Variants in ADCY2 observed in about 807,000 individuals in gnomAD.
ADCY2 encodes adenylate cyclase type 2.
In ADCY2, 31 loss-of-function variants were observed where a neutral mutation model predicts 125.2. The ratio of observed to expected loss-of-function variants is 0.25; its 90% confidence interval spans 0.19 to 0.33. ADCY2 has a LOEUF of 0.33. Ranked by LOEUF, ADCY2 falls within the 10% of genes least tolerant of loss-of-function variation. The probability of loss-of-function intolerance (pLI) is 1.00; values close to 1 mark genes in which losing one functional copy is unlikely to be tolerated. For synonymous variants in ADCY2, 512 were observed against 548.4 expected, an observed-to-expected ratio of 0.93 and a Z score of 0.93; for missense variants, 904 against 1,418.2, an observed-to-expected ratio of 0.64 and a Z score of 5.82.
At chr5:7,542,067 G>A (rs1735014978) in intron 3 of ADCY2, among the ~76,000 whole-genome samples, 1 of 152,160 alleles carries the variant, frequency 6.6e-6, no homozygotes, top group Non-Finnish European at 1.5e-5. Context: ...AGGACATGTC[G>A]CCCCTTCTAC....
At chr5:7,573,201 A>G (rs1375223839) in intron 3 of ADCY2, among the ~76,000 whole-genome samples, 3 of 152,214 alleles carry the variant, frequency 2.0e-5, no homozygotes, top group Non-Finnish European at 4.4e-5. Context: ...AGTCTGTGGT[A>G]CTTCGTTATG....
In ADCY2 at chr5:7,729,597, C is replaced by T. The variant is rs943295219; in HGVS notation, c.1871+2336C>T. On this transcript the variant is annotated intron_variant, in intron 14 of 24. Transcript: ENST00000338316. ...TTCTAATGGATTGATCAAGTTCTTTCATTTTTTTTTATGGTAAATTAAAAG... is the reference window on the plus strand; with the variant it reads ...TTCTAATGGATTGATCAAGTTCTTTTATTTTTTTTTATGGTAAATTAAAAG... Among the ~76,000 whole-genome samples, 4 of 149,936 alleles carry T rather than the reference C, an allele frequency of 2.7e-5. No homozygotes were observed. The East Asian group carries it at 7.8e-4, about 29-fold the overall frequency.
At chr5:7,787,627 TG>T (rs1323641859) in intron 19 of ADCY2, among the ~76,000 whole-genome samples, 1 of 152,036 alleles carries the variant, frequency 6.6e-6, no homozygotes, top group Non-Finnish European at 1.5e-5. Context: ...TTGCATTGCT[TG>T]GGAAGGTGAT....
At chr5:7,793,426 G>T (rs929668955) in intron 20 of ADCY2, among the ~76,000 whole-genome samples, 1 of 152,184 alleles carries the variant, frequency 6.6e-6, no homozygotes, top group African/African-American at 2.4e-5. Context: ...ACTCCAGCAT[G>T]GGCAACAGTA....
Position 7,556,738 on chromosome 5 carries a change from G to A in ADCY2, c.570+35839G>A, listed in dbSNP as rs955311895. ...AAGCTCCGCCTCTGTTACAACAGCA[G>A]CAGCATGAAATTCTCATAAGAGCGG... On this transcript the variant is annotated intron_variant, in intron 3 of 24. Transcript: ENST00000338316. Among the ~76,000 whole-genome samples the A allele has an allele frequency of 2.0e-5, 3 of 152,122 alleles. No individual in the cohort carries two copies. In the East Asian group the frequency reaches 5.8e-4, roughly 29 times the overall value.
At chr5:7,494,281 C>T (rs751670779) in intron 2 of ADCY2, among the ~76,000 whole-genome samples, 8 of 152,216 alleles carry the variant, frequency 5.3e-5, no homozygotes, top group African/African-American at 9.6e-5. Flanking sequence ...ACTAAAACTC[C>T]AGTGTGGTCA....
intron 11 of ADCY2, among the ~76,000 whole-genome samples, chr5:7,714,511 C>G (rs563912935): frequency 1.1e-4 from 16 of 152,226 alleles, no homozygotes; most frequent in Non-Finnish European, 1.5e-4. Context: ...AAGGCAGAAT[C>G]TGTTGCCATT....
At chr5:7,623,181 T>G (rs1738013162) in intron 3 of ADCY2, among the ~76,000 whole-genome samples, 1 of 152,238 alleles carries the variant, frequency 6.6e-6, no homozygotes, top group Non-Finnish European at 1.5e-5. Flanking sequence ...ACACTTGGTT[T>G]TTATTTTGGA....
intron 3 of ADCY2, among the ~76,000 whole-genome samples, chr5:7,608,982 C>T (rs1312152483): frequency 1.3e-5 from 2 of 152,332 alleles, no homozygotes; most frequent in East Asian, 1.9e-4. Context: ...ATCTTCACCA[C>T]CCACTTCCCC....
chr5:7,667,159 G>T (rs1739785208), intron 4 of ADCY2, among the ~76,000 whole-genome samples: 1 of 152,070 alleles, frequency 6.6e-6, no homozygotes, highest in Non-Finnish European at 1.5e-5. Context: ...GAAGGGGAGA[G>T]GATTACTGCA....
chr5:7,455,029 A>G (rs552240896), intron 2 of ADCY2, among the ~76,000 whole-genome samples: 1 of 152,256 alleles, frequency 6.6e-6, no homozygotes, highest in Admixed American at 6.5e-5. Context: ...TTATACGGCT[A>G]TAGAGTAGAC....
At chr5:7,736,046 C>T (rs527734504) in intron 14 of ADCY2, among the ~76,000 whole-genome samples, 16 of 152,038 alleles carry the variant, frequency 1.1e-4, no homozygotes, top group African/African-American at 3.4e-4. Context: ...GGGCAAAACC[C>T]CCTCTCTACC....
intron 14 of ADCY2, among the ~76,000 whole-genome samples, chr5:7,729,383 A>G (rs748405536): frequency 2.6e-5 from 4 of 152,048 alleles, no homozygotes; most frequent in Non-Finnish European, 5.9e-5. Context: ...CTTCCTTTAA[A>G]CAATACCTGT....
intron 4 of ADCY2, among the ~76,000 whole-genome samples, chr5:7,678,119 C>T (rs984571884): frequency 6.6e-6 from 1 of 152,208 alleles, no homozygotes; most frequent in Non-Finnish European, 1.5e-5. Flanking sequence ...AGCATTTTCT[C>T]ATTAGCCATG....
intron 2 of ADCY2, among the ~76,000 whole-genome samples, chr5:7,444,762 C>A (rs371365808): frequency 6.6e-6 from 1 of 152,248 alleles, no homozygotes; most frequent in East Asian, 1.9e-4. Flanking sequence ...CCTAACAGTG[C>A]CTGGGTTGCA....
At position 7,520,812 on chromosome 5, in the gene ADCY2, C is replaced by T; in HGVS notation, c.483C>T (p.Ala161=). The T allele has an allele frequency of 6.2e-7, 1 of 1,614,184 alleles. No individual in the cohort carries two copies. Among genetic ancestry groups the T allele is most frequent in the Non-Finnish European group, 8.5e-7 (1 of 1,180,042 alleles). ...TCAACATGCGAGACGCCATCATTGC[C>T]AGCGTCCTCACCTCCTCCTCCCACA... ...LPFNMRDAII[A]SVLTSSSHTI... The change falls in exon 3 of 25, where the codon GCC becomes GCT. Residue 161 remains alanine, a synonymous_variant. Coordinates refer to ENST00000338316, the MANE Select transcript of ADCY2 (RefSeq NM_020546.3).
chr5:7,743,729 G>T lies in ADCY2; in HGVS notation c.1933G>T (p.Val645Phe), dbSNP rs202064623. ...TCTCTTGCTGGCCTTCATCCTCTTC[G>T]TCTGCTTTGCTGGACAGCTTCTGGT... ...AFLLLAFILFVCFAGQLLQCS... is the reference protein window; with the variant it reads ...AFLLLAFILFFCFAGQLLQCS... The change falls in exon 15 of 25, where the codon GTC (valine) becomes TTC (phenylalanine). Residue 645 changes from valine to phenylalanine, a missense_variant. Val to Phe is a conservative substitution (Grantham distance 50). Transcript: ENST00000338316. The T allele has an allele frequency of 6.2e-7, 1 of 1,613,880 alleles. No individual in the cohort carries two copies.
intron 2 of ADCY2, among the ~76,000 whole-genome samples, chr5:7,486,184 A>G (rs1742918887): frequency 6.6e-6 from 1 of 152,334 alleles, no homozygotes; most frequent in East Asian, 1.9e-4. Context: ...CTATCTCTTC[A>G]TTATAGTGCT....
chr5:7,598,672 T>C (rs2126633023), intron 3 of ADCY2, among the ~76,000 whole-genome samples: 1 of 152,258 alleles, frequency 6.6e-6, no homozygotes, highest in South Asian at 2.1e-4. Context: ...GTGAGTTGTT[T>C]CCAGTGGACA....
Sources: gnomAD v4.1 joint callset for allele counts (sites outside exome capture counted in the v4.1 genomes callset) on GRCh38, gnomAD v4.1.1 for gene constraint, MANE v1.5 for transcripts, NCBI Gene and HGNC (gene_info 2026-07-23, HGNC 2026-07-21) for gene names.